The following EXOC1 variants were observed in gnomAD, a reference collection of about 807,000 sequenced individuals.
EXOC1 encodes the protein SEC3-like 1.
EXOC1 carries 67 observed loss-of-function variants against 107.7 expected under a neutral mutation model. The observed-to-expected ratio is 0.62, with a 90% CI of 0.51 to 0.76. EXOC1 has a LOEUF of 0.76. Among genes scored for constraint, EXOC1 ranks in the 30% least tolerant of loss-of-function variants. The pLI is 0.00. For synonymous variants in EXOC1, 348 were observed against 353.5 expected, an observed-to-expected ratio of 0.98 and a Z score of 0.17; for missense variants, 833 against 1,055.7, an observed-to-expected ratio of 0.79 and a Z score of 2.92.
chr4:55,868,475 G>A lies in EXOC1; in HGVS notation c.555G>A (p.Ala185=), dbSNP rs146961843. Residue 185 remains alanine (A), a synonymous_variant, in exon 5 of 19, where the codon GCG becomes GCA. Transcript: ENST00000381295. The part of the protein sequence containing the change: ...MEGCEYAISN[A]EAFAEKLSRE... ...GCTGTGAATATGCAATCTCGAATGC[G>A]GAAGCCTTTGCAGAAAAATTGTCCA... The A allele has an allele frequency of 7.5e-5, 121 of 1,613,722 alleles. No individual in the cohort carries two copies. The African/African-American group carries it at 9.3e-4, about 12-fold the overall frequency.
rs763051613 is a variant in EXOC1, at chr4:55,870,698, G to A, written c.624G>A (p.Met208Ile). 1.1e-5 allele frequency: 18 copies of A among 1,613,528 alleles called. No individual in the cohort carries two copies. The South Asian group carries it at 2.0e-4, about 18-fold the overall frequency. The part of the protein sequence containing the change: ...VLDGANIQSI[M>I]ASEKQVNILM... Reference sequence around the variant, plus strand: ...TGTAGGCTAACATCCAGTCAATCATGGCATCTGAAAAACAAGTCAACATCC... The same window carrying A: ...TGTAGGCTAACATCCAGTCAATCATAGCATCTGAAAAACAAGTCAACATCC... Residue 208 changes from methionine to isoleucine, a missense_variant, in exon 6 of 19, where the codon ATG becomes ATA. By Grantham distance (10) the Met-to-Ile change is conservative. This residue lies in a region of EXOC1 where 617 missense variants were observed against 701.3 expected (regional missense o/e 0.88). Transcript: ENST00000381295.
intron 15 of EXOC1, among the ~76,000 whole-genome samples, chr4:55,895,634 A>G (rs1355281112): frequency 6.6e-6 from 1 of 152,234 alleles, no homozygotes; most frequent in African/African-American, 2.4e-5. Context: ...AGAAGCTGAA[A>G]TAATACAAAA....
chr4:55,887,168 A>G (rs1381293808), intron 10 of EXOC1, among the ~76,000 whole-genome samples: 2 of 136,048 alleles, frequency 1.5e-5, no homozygotes, highest in African/African-American at 2.7e-5. Flanking sequence ...TGAGATATAT[A>G]TATCACCTCT....
chr4:55,884,325 T>G (rs1278479281), intron 10 of EXOC1, among the ~76,000 whole-genome samples: 1 of 152,192 alleles, frequency 6.6e-6, no homozygotes, highest in Non-Finnish European at 1.5e-5. Context: ...ACTAATCTCT[T>G]AAGTCATTGC....
Position 55,892,305 on chromosome 4 carries a change from T to G in EXOC1, c.1648-330T>G, listed in dbSNP as rs143644957. Among the ~76,000 whole-genome samples, 1,232 of 152,270 alleles carry G rather than the reference T, an allele frequency of 8.1e-3. 24 individuals are homozygous for G. Among genetic ancestry groups the G allele is most frequent in the African/African-American group, 0.028 (1,150 of 41,562 alleles). On this transcript the variant is annotated intron_variant, in intron 13 of 18. Transcript: ENST00000381295. Reference sequence around the variant, plus strand: ...TTGAAAGTTGTGTTTGGACGTTTTCTATTTTTGTGGTGGTTGTTGTCAAGC... The same window carrying G: ...TTGAAAGTTGTGTTTGGACGTTTTCGATTTTTGTGGTGGTTGTTGTCAAGC...
intron 1 of EXOC1, among the ~76,000 whole-genome samples, chr4:55,856,081 G>A (rs1367383174): frequency 6.6e-6 from 1 of 152,132 alleles, no homozygotes; most frequent in African/African-American, 2.4e-5. Flanking sequence ...CATGGGGAAC[G>A]GAAAAAGGAA....
At chr4:55,873,918 A>T (rs1722665717) in intron 8 of EXOC1, among the ~76,000 whole-genome samples, 1 of 152,162 alleles carries the variant, frequency 6.6e-6, no homozygotes, top group Admixed American at 6.5e-5. Context: ...TGTCTACCAT[A>T]TATAAGAATA....
intron 17 of EXOC1, among the ~76,000 whole-genome samples, chr4:55,901,747 C>T (rs1725949860): frequency 6.6e-6 from 1 of 152,110 alleles, no homozygotes; most frequent in African/African-American, 2.4e-5. Flanking sequence ...GTAGCAACCT[C>T]ATACACTGTT....
chr4:55,858,400 T>C lies in EXOC1; in HGVS notation c.77T>C (p.Val26Ala). 2 of 1,609,550 alleles carry C rather than the reference T, an allele frequency of 1.2e-6. No individual in the cohort carries two copies. Among genetic ancestry groups the C allele is most frequent in the Non-Finnish European group, 8.5e-7 (1 of 1,178,066 alleles). ...NDERLLSIVNVCKAGKKKKNC... is the reference protein window; with the variant it reads ...NDERLLSIVNACKAGKKKKNC... ...GAACGCCTGCTGAGCATTGTGAATG[T>C]CTGCAAAGCAGGAAAAAAGAAAAAG... is the stretch of plus-strand genomic sequence containing the variant. Residue 26 changes from valine (V) to alanine (A), a missense_variant, in exon 2 of 19, where the codon GTC becomes GCC. Val to Ala is a moderately conservative substitution (Grantham distance 64). Around this residue, in one of 2 missense-constraint regions of EXOC1, gnomAD observed 617 missense variants for 701.3 expected, o/e 0.88. Coordinates refer to ENST00000381295, the MANE Select transcript of EXOC1 (RefSeq NM_001024924.2).
At chr4:55,904,226 C>T in intron 18 of EXOC1, 117 bp from the exon 19 acceptor site, 1 of 951,732 alleles carries the variant, frequency 1.1e-6, no homozygotes, top group Non-Finnish European at 1.5e-6. Context: ...TTTCAGAATG[C>T]ATGTTCCTAG....
In EXOC1 at chr4:55,905,048, T is replaced by C. The variant is rs1262079684; in HGVS notation, c.*553T>C. 1 of 152,226 alleles carries C rather than the reference T, an allele frequency of 6.6e-6. No individual in the cohort carries two copies. Among genetic ancestry groups the C allele is most frequent in the Admixed American group, 6.5e-5 (1 of 15,284 alleles). 9.4% of individuals were successfully genotyped at this position (152,226 alleles called of 1,614,324 possible). A position where few individuals can be genotyped will look rare whatever the true frequency, so the allele number is the denominator to read the frequency against. ...TGATAATATTTTTAGGTCTATCATA[T>C]GCTGTCTTCTGTATTAAAGCAAGTT... On this transcript the variant is annotated 3_prime_UTR_variant, in exon 19 of 19. Transcript: ENST00000381295.
At position 55,857,168 on chromosome 4, in the gene EXOC1, C is replaced by CTTT. The variant is rs71192052; in HGVS notation, c.-10-1121_-10-1119dup. ...TTTCATTACTTCATTTCCTTTTTTT[C>CTTT]TTTTTTTTTTTTTTTTTTTTTTTTT... On this transcript the variant is annotated intron_variant, in intron 1 of 18. Transcript: ENST00000381295. Among the ~76,000 whole-genome samples the CTTT allele has an allele frequency of 1.4e-4, 9 of 65,738 alleles. 1 individual carries two copies. The highest frequency in any genetic ancestry group is 2.6e-4 in the African/African-American group (4 of 15,672). The allele number at this position is 65,738 out of a possible 152,430, so 43.1% of individuals were successfully genotyped here. A position where few individuals can be genotyped will look rare whatever the true frequency, so the allele number is the denominator to read the frequency against.
intron 3 of EXOC1, among the ~76,000 whole-genome samples, chr4:55,864,006 GA>G (rs563171613): frequency 1.4e-3 from 209 of 152,302 alleles, no homozygotes; most frequent in Non-Finnish European, 2.4e-3. Flanking sequence ...GGCATAGGAA[GA>G]AAATGACCAC....
intron 3 of EXOC1, among the ~76,000 whole-genome samples, chr4:55,860,745 G>C (rs1475471311): frequency 1.3e-5 from 2 of 152,118 alleles, no homozygotes; most frequent in East Asian, 3.9e-4. Flanking sequence ...ACATTTCTGT[G>C]TTTAGATTAA....
intron 9 of EXOC1, 63 bp downstream of exon 9, chr4:55,878,129 A>T: frequency 6.4e-7 from 1 of 1,557,576 alleles, no homozygotes; most frequent in South Asian, 1.2e-5. Context: ...TTAAGAGGTC[A>T]TGTGTTCAGT....
At chr4:55,877,338 T>C in intron 8 of EXOC1, 1 of 985,404 alleles carries the variant, frequency 1.0e-6, no homozygotes, top group South Asian at 4.7e-5. Context: ...ATCAAATAAA[T>C]CTGTCTTGGT....
At chr4:55,858,059 G>T (rs1721156277) in intron 1 of EXOC1, among the ~76,000 whole-genome samples, 1 of 152,118 alleles carries the variant, frequency 6.6e-6, no homozygotes, top group Non-Finnish European at 1.5e-5. Flanking sequence ...GTGGGTTGAA[G>T]ATTTTTTTCT....
rs1484641987 is a variant in EXOC1, at chr4:55,868,316, T to C, written c.416-20T>C. 6.3e-7 allele frequency: 1 copy of C among 1,588,132 alleles called. No individual in the cohort carries two copies. On this transcript the variant is annotated intron_variant, in intron 4 of 18. Transcript: ENST00000381295. ...TTCTACTTTTTTGACTATTTTACTT[T>C]GAATTTTTACCTCTTTAAGAATCTG...
At chr4:55,874,556 A>G (rs1243273062) in intron 8 of EXOC1, among the ~76,000 whole-genome samples, 1 of 152,136 alleles carries the variant, frequency 6.6e-6, no homozygotes, top group African/African-American at 2.4e-5. Flanking sequence ...GCATTTGGGA[A>G]TGACTGATCC....
Sources: allele counts gnomAD v4.1 joint callset (sites outside exome capture counted in the v4.1 genomes callset), GRCh38; gene constraint gnomAD v4.1.1; regional missense constraint gnomAD v4.1.1; transcripts MANE v1.5; gene names NCBI Gene and HGNC (gene_info 2026-07-23, HGNC 2026-07-21).